The following ZYG11B variants were observed in gnomAD, a reference collection of about 807,000 sequenced individuals.
The protein encoded by ZYG11B is zyg-11 family member B, cell cycle regulator.
Under a neutral mutation model 82.4 loss-of-function variants are expected in ZYG11B, and 36 were observed. That is an observed-to-expected ratio of 0.44 (90% confidence interval 0.33 to 0.58). The LOEUF is 0.58. Ranked by LOEUF, ZYG11B falls within the 20% of genes least tolerant of loss-of-function variation. The pLI is 0.02. For synonymous variants in ZYG11B, 303 were observed against 312.8 expected, an observed-to-expected ratio of 0.97 and a Z score of 0.33; for missense variants, 552 against 895.6, an observed-to-expected ratio of 0.62 and a Z score of 4.90.
rs562731774 is a variant in ZYG11B, at chr1:52,791,473, A to G, written c.1334+1406A>G. On this transcript the variant is annotated intron_variant, in intron 6 of 13. Transcript: ENST00000294353. ...AACCTCCACTACCTGGGTTCAAGCA[A>G]TTCTCCTGCTTTAGCCTCCCAAATA... is the stretch of plus-strand genomic sequence containing the variant. 2.6e-5 allele frequency among the ~76,000 whole-genome samples: 4 copies of G among 152,046 alleles called. No homozygotes were observed. The South Asian group carries it at 6.2e-4, about 24-fold the overall frequency.
chr1:52,776,226 A>AT lies in ZYG11B; in HGVS notation c.952-3627_952-3626insT, dbSNP rs1165638226. On this transcript the variant is annotated intron_variant, in intron 3 of 13. Coordinates refer to ENST00000294353, the MANE Select transcript of ZYG11B (RefSeq NM_024646.3). ...AAGAGCAAAACTCTGTCTTAAAAAAAAAAATATATATATATATATGCAATA... is the reference window on the plus strand; with the variant it reads ...AAGAGCAAAACTCTGTCTTAAAAAAATAAAATATATATATATATATGCAATA... Among the ~76,000 whole-genome samples, 88 of 81,858 alleles carry AT rather than the reference A, an allele frequency of 1.1e-3. 2 individuals are homozygous for AT. Among genetic ancestry groups the AT allele is most frequent in the Middle Eastern group, 5.6e-3 (1 of 180 alleles). 53.7% of individuals were successfully genotyped at this position (81,858 alleles called of 152,430 possible). A position where few individuals can be genotyped will look rare whatever the true frequency, so the allele number is the denominator to read the frequency against.
At chr1:52,746,877 T>G (rs12403519) in intron 1 of ZYG11B, among the ~76,000 whole-genome samples, 50,624 of 138,660 alleles carry the variant, frequency 0.37, 9,809 homozygotes, top group Admixed American at 0.5. Context: ...ATTTTTGGAG[T>G]TTTTTTTTTT....
intron 13 of ZYG11B, among the ~76,000 whole-genome samples, chr1:52,817,775 G>A (rs866763522): frequency 5.8e-4 from 19 of 32,574 alleles, no homozygotes; most frequent in South Asian, 5.3e-3. Context: ...GTATATATAT[G>A]TGTATATATA....
chr1:52,814,883 C>T (rs1031804681), intron 12 of ZYG11B, among the ~76,000 whole-genome samples: 1 of 152,132 alleles, frequency 6.6e-6, no homozygotes, highest in Non-Finnish European at 1.5e-5. Flanking sequence ...TTGGGCCAGG[C>T]ATTGTGGCTC....
chr1:52,749,942 T>C (rs1038501626), intron 1 of ZYG11B, among the ~76,000 whole-genome samples: 1 of 152,232 alleles, frequency 6.6e-6, no homozygotes, highest in African/African-American at 2.4e-5. Flanking sequence ...TATGAACTCA[T>C]GAATTGAACA....
chr1:52,734,886 G>T (rs1212978635), intron 1 of ZYG11B, among the ~76,000 whole-genome samples: 14 of 151,840 alleles, frequency 9.2e-5, no homozygotes, highest in Non-Finnish European at 1.5e-5. Context: ...GTGCCACCGT[G>T]CTCAGCTAAT....
At chr1:52,809,271 T>TG (rs1434788244) in intron 10 of ZYG11B, among the ~76,000 whole-genome samples, 1 of 152,226 alleles carries the variant, frequency 6.6e-6, no homozygotes, top group Non-Finnish European at 1.5e-5. Context: ...CACTCATCTC[T>TG]GTAACTGTTT....
chr1:52,732,452 T>C (rs1644340371), intron 1 of ZYG11B, among the ~76,000 whole-genome samples: 1 of 152,228 alleles, frequency 6.6e-6, no homozygotes, highest in Admixed American at 6.5e-5. Context: ...ATTTATTAGC[T>C]GACTAAAATT....
chr1:52,795,912 G>A (rs1323799575), intron 6 of ZYG11B, among the ~76,000 whole-genome samples: 3 of 152,136 alleles, frequency 2.0e-5, no homozygotes, highest in Non-Finnish European at 2.9e-5. Flanking sequence ...TTTAATATAT[G>A]TTTGTGAATG....
chr1:52,805,581 C>T (rs1645135269), intron 10 of ZYG11B: 2 of 441,292 alleles, frequency 4.5e-6, no homozygotes, highest in Admixed American at 2.4e-5. Flanking sequence ...CCTGTAATCC[C>T]AGCACTTTGG....
chr1:52,734,436 A>G (rs10127585), intron 1 of ZYG11B, among the ~76,000 whole-genome samples: 18,671 of 115,348 alleles, frequency 0.16, 2,643 homozygotes, highest in East Asian at 0.54. Context: ...CAATGGAATA[A>G]AAGGTTTTTT....
In ZYG11B at chr1:52,826,673, T is replaced by C. The variant is rs1261556076; in HGVS notation, c.*5044T>C. On this transcript the variant is annotated 3_prime_UTR_variant, in exon 14 of 14. Transcript: ENST00000294353. ...GGGTAAGTTTTGCAAAGATCAGTGC[T>C]GCTTCTCATGACTCTAAAGTAAAGC... 6.6e-6 allele frequency: 1 copy of C among 152,206 alleles called. No individual in the cohort carries two copies. The highest frequency in any genetic ancestry group is 1.5e-5 in the Non-Finnish European group (1 of 68,052). 9.4% of individuals were successfully genotyped at this position (152,206 alleles called of 1,614,324 possible). A position where few individuals can be genotyped will look rare whatever the true frequency, so the allele number is the denominator to read the frequency against.
Position 52,784,993 on chromosome 1 carries a change from C to T in ZYG11B, c.1209C>T (p.Leu403=), listed in dbSNP as rs1644901391. The T allele has an allele frequency of 1.2e-6, 2 of 1,614,056 alleles. No homozygotes were observed. Residue 403 remains leucine (L), a synonymous_variant, in exon 5 of 14, where the codon CTC becomes CTT. Coordinates refer to ENST00000294353, the MANE Select transcript of ZYG11B (RefSeq NM_024646.3). ...TTGCTGCAGGGATGCCTGTCCGACT[C>T]CTGGCTGATGTGACCCATTTGCTGC... ...QDLAAGMPVR[L]LADVTHLLLK...
chr1:52,780,360 C>T (rs756572066), intron 4 of ZYG11B, among the ~76,000 whole-genome samples: 4 of 151,836 alleles, frequency 2.6e-5, no homozygotes, highest in Non-Finnish European at 5.9e-5. Context: ...TTTAGAAATA[C>T]AATATTGCAC....
Position 52,789,910 on chromosome 1 carries a change from T to G in ZYG11B, c.1270-93T>G, listed in dbSNP as rs528781281. 1.1e-3 allele frequency: 1,045 copies of G among 913,864 alleles called. 9 individuals carry two copies. The African/African-American group carries it at 0.018, about 15-fold the overall frequency. 56.6% of individuals were successfully genotyped at this position (913,864 alleles called of 1,614,324 possible). ...AGAAATAACTGGTGTTTCATCAGTCTTCTTCTTTTTTTTTTTTTATGGAAG... is the reference window on the plus strand; with the variant it reads ...AGAAATAACTGGTGTTTCATCAGTCGTCTTCTTTTTTTTTTTTTATGGAAG... On this transcript the variant is annotated intron_variant, in intron 5 of 13. Coordinates refer to ENST00000294353, the MANE Select transcript of ZYG11B (RefSeq NM_024646.3).
chr1:52,796,594 C>A, intron 7 of ZYG11B, 140 bp from the exon 8 acceptor site: 2 of 853,056 alleles, frequency 2.3e-6, no homozygotes, highest in Non-Finnish European at 3.5e-6. Context: ...CCGAGGCAGG[C>A]CTCCCAAAAA....
chr1:52,812,010 G>T (rs368503690), intron 10 of ZYG11B, among the ~76,000 whole-genome samples: 2 of 151,782 alleles, frequency 1.3e-5, no homozygotes. Context: ...CAGCCTGGGC[G>T]AGAGCGAGAC....
rs1645224687 is a variant in ZYG11B at position 52,816,450 on chromosome 1, A to G, written c.1947-82A>G. The G allele has an allele frequency of 3.2e-6, 3 of 941,740 alleles. No individual in the cohort carries two copies. The Admixed American group carries it at 6.7e-5, about 21-fold the overall frequency. 58.3% of individuals were successfully genotyped at this position (941,740 alleles called of 1,614,324 possible). ...AATATAATAGGATAAAATTTTGAAAATGAAAAGTTTAGGAATCACTGCTTT... is the reference window on the plus strand; with the variant it reads ...AATATAATAGGATAAAATTTTGAAAGTGAAAAGTTTAGGAATCACTGCTTT... On this transcript the variant is annotated intron_variant, in intron 12 of 13. Transcript: ENST00000294353.
rs1645254171 is a variant in ZYG11B at position 52,818,543 on chromosome 1, G to A, written c.2044+1914G>A. Among the ~76,000 whole-genome samples the A allele has an allele frequency of 2.6e-5, 4 of 151,952 alleles. No homozygotes were observed. The South Asian group carries it at 8.4e-4, about 32-fold the overall frequency. ...TGTAGACTTGTAGGCCATGCATAGG[G>A]ATTTTTGTGGCTCTGCTGCAAGTAA... is the stretch of plus-strand genomic sequence containing the variant. On this transcript the variant is annotated intron_variant, in intron 13 of 13. Transcript: ENST00000294353.
Sources: gnomAD v4.1 joint callset for allele counts (sites outside exome capture counted in the v4.1 genomes callset) on GRCh38, gnomAD v4.1.1 for gene constraint, MANE v1.5 for transcripts, NCBI Gene and HGNC (gene_info 2026-07-23, HGNC 2026-07-21) for gene names.